Variants in FSHR observed in about 807,000 individuals in gnomAD.
FSHR encodes follicle stimulating hormone receptor.
FSHR carries 46 observed loss-of-function variants against 52.1 expected under a neutral mutation model. The ratio of observed to expected loss-of-function variants is 0.88; its 90% CI spans 0.70 to 1.13. FSHR has a LOEUF of 1.13. Ranked by LOEUF, FSHR falls within the 50% of genes most tolerant of loss-of-function variation. The pLI is 0.00. For synonymous variants in FSHR, 399 were observed against 309.6 expected (o/e 1.29, Z -3.03); for missense variants, 964 against 834.6 (o/e 1.16, Z -1.91).
At chr2:49,011,325 G>A (rs1485637416) in intron 4 of FSHR, among the ~76,000 whole-genome samples, 1 of 152,052 alleles carries the variant, frequency 6.6e-6, no homozygotes, top group Admixed American at 6.6e-5. Flanking sequence ...CAGTTTCCAT[G>A]TAGTTGAGTG....
chr2:49,085,462 A>G (rs978804367), intron 1 of FSHR, among the ~76,000 whole-genome samples: 9 of 152,118 alleles, frequency 5.9e-5, no homozygotes, highest in Non-Finnish European at 8.8e-5. Flanking sequence ...TCTCACCACT[A>G]CTATTCAACA....
At chr2:49,141,701 G>A (rs901588343) in intron 1 of FSHR, among the ~76,000 whole-genome samples, 5 of 152,072 alleles carry the variant, frequency 3.3e-5, no homozygotes, top group Non-Finnish European at 5.9e-5. Flanking sequence ...TACTATATAT[G>A]GGAGACAAAA....
intron 6 of FSHR, among the ~76,000 whole-genome samples, chr2:48,986,128 C>T (rs1473265348): frequency 1.9e-4 from 29 of 152,146 alleles, no homozygotes; most frequent in Admixed American, 1.9e-3. Flanking sequence ...GTGATCCTCT[C>T]TCTCCTCCCT....
chr2:49,052,378 A>G (rs1256577366), intron 2 of FSHR, among the ~76,000 whole-genome samples: 1 of 152,158 alleles, frequency 6.6e-6, no homozygotes, highest in Non-Finnish European at 1.5e-5. Context: ...CATACTCATG[A>G]ATGTTCTTTG....
At chr2:49,006,562 C>T (rs1284037135) in intron 4 of FSHR, among the ~76,000 whole-genome samples, 2 of 151,938 alleles carry the variant, frequency 1.3e-5, no homozygotes, top group Admixed American at 6.6e-5. Context: ...GAAATTTATT[C>T]TTCTTTTATG....
Position 49,030,179 on chromosome 2 carries a change from G to A in FSHR, c.225-10019C>T, listed in dbSNP as rs1024959494. Among the ~76,000 whole-genome samples the A allele has an allele frequency of 7.9e-5, 12 of 152,130 alleles. No individual in the cohort carries two copies. The South Asian group carries it at 1.0e-3, about 13-fold the overall frequency. The stretch of plus-strand genomic sequence containing the variant: ...GCATATGTTTTATTGTCAGTTTAAA[G>A]AGGGCTCCATTGATACCCCCTACAA... On this transcript the variant is annotated intron_variant, in intron 2 of 9. Coordinates refer to ENST00000406846, the MANE Select transcript of FSHR (RefSeq NM_000145.4).
chr2:49,139,452 C>T (rs1457703557), intron 1 of FSHR, among the ~76,000 whole-genome samples: 5 of 152,050 alleles, frequency 3.3e-5, no homozygotes, highest in South Asian at 2.1e-4. Flanking sequence ...GTATAGCACG[C>T]AGCATTTTCC....
At chr2:48,969,672 A>G (rs1449566419) in intron 8 of FSHR, among the ~76,000 whole-genome samples, 2 of 152,244 alleles carry the variant, frequency 1.3e-5, no homozygotes, top group Non-Finnish European at 2.9e-5. Flanking sequence ...TAAACATAAC[A>G]CTGAGTGTGA....
rs373593555 is a variant in FSHR at position 49,097,345 on chromosome 2, C to G, written c.153-29055G>C. 1.6e-3 allele frequency among the ~76,000 whole-genome samples: 250 copies of G among 152,246 alleles called. 1 individual carries two copies. Among genetic ancestry groups the G allele is most frequent in the African/African-American group, 5.7e-3 (237 of 41,546 alleles). ...TGTAGAATTTCTAGTGATACATCTT[C>G]AAGTTCACTGACCTTTTTTCTGTCA... On this transcript the variant is annotated intron_variant, in intron 1 of 9. Coordinates refer to ENST00000406846, the MANE Select transcript of FSHR (RefSeq NM_000145.4).
intron 4 of FSHR, among the ~76,000 whole-genome samples, chr2:48,997,684 G>A (rs549525246): frequency 1.3e-5 from 2 of 152,242 alleles, no homozygotes; most frequent in Non-Finnish European, 1.5e-5. Context: ...AATTGTTACT[G>A]CTGTGGTCAT....
At chr2:49,013,428 A>G (rs1667348652) in intron 4 of FSHR, among the ~76,000 whole-genome samples, 1 of 147,658 alleles carries the variant, frequency 6.8e-6, no homozygotes, top group African/African-American at 2.5e-5. Flanking sequence ...AAAATATTTC[A>G]AAGAGCTAGA....
chr2:48,988,957 AT>A lies in FSHR; in HGVS notation c.524+19del, dbSNP rs757838634. 43 of 1,602,114 alleles carry A rather than the reference AT, an allele frequency of 2.7e-5. No homozygotes were observed. In the South Asian group the frequency reaches 4.3e-4, roughly 16 times the overall value. On this transcript the variant is annotated intron_variant, in intron 6 of 9. Coordinates refer to ENST00000406846, the MANE Select transcript of FSHR (RefSeq NM_000145.4). ...GAAAAATCAAATGTTACTCTGTTGG[AT>A]TTTTTCCCCCTTACTTACAGAATCA...
At chr2:49,120,689 T>C (rs1353867832) in intron 1 of FSHR, among the ~76,000 whole-genome samples, 1 of 144,182 alleles carries the variant, frequency 6.9e-6, no homozygotes, top group Non-Finnish European at 1.5e-5. Context: ...ATCATACCAA[T>C]TATACTTTGG....
chr2:49,062,706 C>G (rs1669359014), intron 2 of FSHR, among the ~76,000 whole-genome samples: 1 of 151,914 alleles, frequency 6.6e-6, no homozygotes, highest in South Asian at 2.1e-4. Flanking sequence ...TCAAACAACT[C>G]AACAGCAAAA....
intron 2 of FSHR, among the ~76,000 whole-genome samples, chr2:49,051,386 G>T (rs1034521386): frequency 6.6e-6 from 1 of 152,038 alleles, no homozygotes; most frequent in African/African-American, 2.4e-5. Context: ...ATTTTAATGG[G>T]TATGTAATAG....
intron 1 of FSHR, among the ~76,000 whole-genome samples, chr2:49,108,530 T>C (rs897316122): frequency 2.0e-5 from 3 of 152,178 alleles, no homozygotes; most frequent in Non-Finnish European, 2.9e-5. Flanking sequence ...TACCTTTGGA[T>C]CTGGCTGCAA....
chr2:49,054,909 A>C (rs1333547544), intron 2 of FSHR, among the ~76,000 whole-genome samples: 3 of 152,200 alleles, frequency 2.0e-5, no homozygotes, highest in Non-Finnish European at 4.4e-5. Flanking sequence ...AACCTACTTC[A>C]TAAAATTGGA....
At chr2:48,964,733 C>T (rs1674390814) in intron 9 of FSHR, among the ~76,000 whole-genome samples, 1 of 152,132 alleles carries the variant, frequency 6.6e-6, no homozygotes, top group South Asian at 2.1e-4. Flanking sequence ...CCTAGCTCTC[C>T]TTGGGCTCAC....
intron 8 of FSHR, among the ~76,000 whole-genome samples, chr2:48,978,709 G>A (rs1316849508): frequency 2.0e-5 from 3 of 152,202 alleles, no homozygotes; most frequent in African/African-American, 7.2e-5. Flanking sequence ...AGGGGGAAAT[G>A]AGGATGCTGA....
Sources: gnomAD v4.1 joint callset for allele counts (sites outside exome capture counted in the v4.1 genomes callset) on GRCh38, gnomAD v4.1.1 for gene constraint, MANE v1.5 for transcripts, NCBI Gene and HGNC (gene_info 2026-07-23, HGNC 2026-07-21) for gene names.